Variants in TUBGCP6 observed in about 807,000 individuals in gnomAD.
TUBGCP6 encodes the protein tubulin gamma complex component 6.
A neutral mutation model predicts 175.8 loss-of-function variants in TUBGCP6; 161 were observed. That is an observed-to-expected ratio of 0.92 (90% CI 0.81 to 1.04). TUBGCP6 has a LOEUF of 1.04. Ranked by LOEUF, TUBGCP6 falls within the 50% of genes least tolerant of loss-of-function variation. The pLI, the probability that TUBGCP6 is intolerant of heterozygous loss-of-function variation, is 0.00. For synonymous variants in TUBGCP6, 1,173 were observed against 1,030.5 expected, an observed-to-expected ratio of 1.14 and a Z score of -2.65; for missense variants, 2,572 against 2,433.0, an observed-to-expected ratio of 1.06 and a Z score of -1.20.
chr22:50,244,066 A>AGT lies in TUBGCP6; in HGVS notation c.392_393dup (p.Tyr132ThrfsTer23), dbSNP rs749825000. 4.3e-6 allele frequency: 7 copies of AGT among 1,614,018 alleles called. No individual in the cohort carries two copies. In the South Asian group the frequency reaches 7.7e-5, roughly 18 times the overall value. ...CCCACATGCTTGTTGTTAAGGAAGT[A>AGT]GTCTCGTTTTCTCGGCAGAACTTGA... On this transcript the variant is annotated frameshift_variant, in exon 1 of 25. Transcript: ENST00000248846. LOFTEE classifies it high-confidence loss of function.
At chr22:50,230,126 A>G (rs2064669686) in intron 3 of TUBGCP6, among the ~76,000 whole-genome samples, 1 of 152,206 alleles carries the variant, frequency 6.6e-6, no homozygotes, top group Non-Finnish European at 1.5e-5. Flanking sequence ...ACAAAGGAAC[A>G]AGATACCAAA....
Position 50,220,957 on chromosome 22 carries a change from G to A in TUBGCP6, c.3402C>T (p.His1134=), listed in dbSNP as rs116961572. The part of the protein sequence containing the change: ...VAPTRPRWNT[H]GHVSNASIRV... ...TGATGCTGGCGTTGGACACGTGCCC[G>A]TGGGTATTCCACCGTGGCCTGGTGG... Residue 1134 remains histidine, a synonymous_variant, in exon 16 of 25, where the codon CAC becomes CAT. Transcript: ENST00000248846. 19 of 1,604,022 alleles carry A rather than the reference G, an allele frequency of 1.2e-5. No individual in the cohort carries two copies. Among genetic ancestry groups the A allele is most frequent in the Middle Eastern group, 1.7e-4 (1 of 6,026 alleles).
Position 50,221,596 on chromosome 22 carries a change from C to T in TUBGCP6, c.2763G>A (p.Ala921=), listed in dbSNP as rs758559999. 12 of 1,567,286 alleles carry T rather than the reference C, an allele frequency of 7.7e-6. No homozygotes were observed. The highest frequency in any genetic ancestry group is 4.8e-5 in the South Asian group (4 of 84,024). ...GCAGGTCCAAGTTAATGGTCTGCAG[C>T]GCCACCTCCAGGAGAGGGACCATGC... ...QTGMVPLLEV[A]LQTINLDLPP... The change falls in exon 16 of 25, where the codon GCG becomes GCA. Residue 921 remains alanine (A), a synonymous_variant. Coordinates refer to ENST00000248846, the MANE Select transcript of TUBGCP6 (RefSeq NM_020461.4).
At chr22:50,233,673 G>A (rs2064723337) in intron 2 of TUBGCP6, 147 bp from the exon 3 acceptor site, 2 of 784,614 alleles carry the variant, frequency 2.5e-6, no homozygotes, top group Non-Finnish European at 4.1e-6. Flanking sequence ...AGGTATGAAT[G>A]TCAGCTCACC....
chr22:50,219,866 A>G (rs1486399686), intron 17 of TUBGCP6, 75 bp from the exon 18 acceptor site: 2 of 1,603,344 alleles, frequency 1.2e-6, no homozygotes, highest in African/African-American at 2.7e-5. Context: ...CAAAAAAAGG[A>G]AAATCGCATG....
intron 1 of TUBGCP6, among the ~76,000 whole-genome samples, chr22:50,242,858 G>A (rs2064856846): frequency 6.6e-6 from 1 of 152,190 alleles, no homozygotes; most frequent in Non-Finnish European, 1.5e-5. Context: ...GTGGCTTAAC[G>A]ATATACCCCA....
In TUBGCP6 at chr22:50,226,772, A is replaced by G. The variant is rs758660762; in HGVS notation, c.1562T>C (p.Leu521Pro). ...GCAGCTGGTCTTCAGCAGGGACAGC[A>G]GTACAGGGTAGTGCTCGTTGCTGCA... ...HNCSNEHYPVLLSLLKTSCEP... is the reference protein window; with the variant it reads ...HNCSNEHYPVPLSLLKTSCEP... Residue 521 changes from leucine to proline, a missense_variant, in exon 7 of 25, where the codon CTG becomes CCG. Leu to Pro is a moderately conservative substitution (Grantham distance 98). Transcript: ENST00000248846. 1 of 1,594,150 alleles carries G rather than the reference A, an allele frequency of 6.3e-7. No homozygotes were observed. Among genetic ancestry groups the G allele is most frequent in the East Asian group, 2.3e-5 (1 of 44,232 alleles).
In TUBGCP6 at chr22:50,217,966, G is replaced by A. The variant is rs765277363; in HGVS notation, c.5320C>T (p.Gln1774Ter). 5 of 1,610,654 alleles carry A rather than the reference G, an allele frequency of 3.1e-6. No homozygotes were observed. The highest frequency in any genetic ancestry group is 8.5e-7 in the Non-Finnish European group (1 of 1,178,816). ...GAEHPNFALM[Q>*]QSYNTFKYYS... ...TACTTGAAGGTGTTGTAGGACTGCT[G>A]CATGAGTGCAAAGTTGGGGTGCTCT... The change falls in exon 24 of 25, where the codon CAG (glutamine) becomes TAG (stop). Residue 1774 changes from glutamine to a stop codon, truncating the protein, a stop_gained. Transcript: ENST00000248846. LOFTEE classifies it high-confidence loss of function.
chr22:50,228,055 G>C (rs1464930242), intron 4 of TUBGCP6, 27 bp from the exon 5 acceptor site: 1 of 1,514,882 alleles, frequency 6.6e-7, no homozygotes, highest in East Asian at 2.4e-5. Context: ...TGGGAGGAGG[G>C]CGGCCAGGCA....
rs371217966 is a variant in TUBGCP6, at chr22:50,217,720, C to T, written c.*16G>A. Reference sequence around the variant, plus strand: ...CCGAGAACACCTTTATTGTGCACGTCCCCCGCAGAGCAGCCTCAGGCGTCC... The same window carrying T: ...CCGAGAACACCTTTATTGTGCACGTTCCCCGCAGAGCAGCCTCAGGCGTCC... On this transcript the variant is annotated 3_prime_UTR_variant, in exon 25 of 25. Transcript: ENST00000248846. 1.9e-6 allele frequency: 3 copies of T among 1,612,014 alleles called. No homozygotes were observed. The highest frequency in any genetic ancestry group is 1.3e-5 in the African/African-American group (1 of 74,986).
Position 50,224,143 on chromosome 22 carries a change from C to T in TUBGCP6, c.2268G>A (p.Ala756=), listed in dbSNP as rs368982253. 31 of 1,612,814 alleles carry T rather than the reference C, an allele frequency of 1.9e-5. No homozygotes were observed. Among genetic ancestry groups the T allele is most frequent in the Non-Finnish European group, 2.2e-5 (26 of 1,179,974 alleles). Residue 756 remains alanine (A), a splice_region_variant and synonymous_variant, in exon 13 of 25, where the codon GCG becomes GCA. Coordinates refer to ENST00000248846, the MANE Select transcript of TUBGCP6 (RefSeq NM_020461.4). ...KSLEEELERK[A]RQALVDHYSK... ...GCCTGGAGCCCGGGCTGCCCTACCTCGCCTTCCTCTCCAGCTCCTCCTCCA... is the reference window on the plus strand; with the variant it reads ...GCCTGGAGCCCGGGCTGCCCTACCTTGCCTTCCTCTCCAGCTCCTCCTCCA...
At chr22:50,237,879 T>C (rs1051776669) in intron 2 of TUBGCP6, among the ~76,000 whole-genome samples, 6 of 152,074 alleles carry the variant, frequency 3.9e-5, no homozygotes, top group African/African-American at 7.2e-5. Context: ...TCCCAGCACT[T>C]TGGGAGGCCG....
chr22:50,241,489 G>C (rs561324734), intron 1 of TUBGCP6, among the ~76,000 whole-genome samples: 1 of 152,142 alleles, frequency 6.6e-6, no homozygotes. Context: ...AGGCCCACCC[G>C]CAGTTATCCA....
chr22:50,236,202 C>T (rs1296446117), intron 2 of TUBGCP6, among the ~76,000 whole-genome samples: 1 of 151,978 alleles, frequency 6.6e-6, no homozygotes, highest in African/African-American at 2.4e-5. Context: ...GTGGCACGAT[C>T]TTGGCCCATT....
Position 50,238,464 on chromosome 22 carries a change from C to CAA in TUBGCP6, c.905+1738_905+1739dup, listed in dbSNP as rs113224574. Among the ~76,000 whole-genome samples, 496 of 135,326 alleles carry CAA rather than the reference C, an allele frequency of 3.7e-3. 5 individuals carry two copies. The highest frequency in any genetic ancestry group is 0.012 in the African/African-American group (448 of 37,072). The allele number at this position is 135,326 out of a possible 152,430, so 88.8% of individuals were successfully genotyped here. On this transcript the variant is annotated intron_variant, in intron 2 of 24. Coordinates refer to ENST00000248846, the MANE Select transcript of TUBGCP6 (RefSeq NM_020461.4). ...CTCCGCCTCAATAAATAAATAAATA[C>CAA]AAAAAAAAAACAGAAAAAAATACTA... is the stretch of plus-strand genomic sequence containing the variant.
intron 13 of TUBGCP6, chr22:50,223,938 C>G: frequency 1.7e-6 from 1 of 589,206 alleles, no homozygotes; most frequent in Middle Eastern, 4.6e-4. Flanking sequence ...CAAACCACCA[C>G]AAGACAACGC....
In TUBGCP6 at chr22:50,222,399, T is replaced by C. The variant is rs1602512396; in HGVS notation, c.2409+55A>G. 1.9e-6 allele frequency: 3 copies of C among 1,605,124 alleles called. No individual in the cohort carries two copies. The African/African-American group carries it at 4.0e-5, about 21-fold the overall frequency. On this transcript the variant is annotated intron_variant, in intron 14 of 24. Coordinates refer to ENST00000248846, the MANE Select transcript of TUBGCP6 (RefSeq NM_020461.4). ...TAGGTTTGTGTGCAGTCTCAGGGGG[T>C]TTCCAGACCCCCAAAGCCCAGGGGA... is the stretch of plus-strand genomic sequence containing the variant.
Position 50,219,651 on chromosome 22 carries a change from C to T in TUBGCP6, c.4308G>A (p.Glu1436=). ...AGCAACTGCTGCACTCACACATGGA[C>T]TCGTAACTGTCCGGGTACCGCTCCA... ...YHLERYPDSY[E]SMSEPPIAHL... is the part of the protein sequence containing the mutation. The change falls in exon 18 of 25, where the codon GAG becomes GAA. Residue 1436 remains glutamate, a synonymous_variant. Transcript: ENST00000248846. The T allele has an allele frequency of 1.2e-6, 2 of 1,613,460 alleles. No individual in the cohort carries two copies. The highest frequency in any genetic ancestry group is 1.7e-6 in the Non-Finnish European group (2 of 1,179,808).
At position 50,218,121 on chromosome 22, in the gene TUBGCP6, G is replaced by A. The variant is rs748450888; in HGVS notation, c.5169-4C>T. 128 of 1,611,800 alleles carry A rather than the reference G, an allele frequency of 7.9e-5. No individual in the cohort carries two copies. Among genetic ancestry groups the A allele is most frequent in the Non-Finnish European group, 1.0e-4 (123 of 1,179,476 alleles). On this transcript the variant is annotated splice_region_variant and splice_polypyrimidine_tract_variant and intron_variant, in intron 23 of 24. Coordinates refer to ENST00000248846, the MANE Select transcript of TUBGCP6 (RefSeq NM_020461.4). ...CGCCTTCTCCGTGAGCAGGCCCCTG[G>A]GGGGAAGCAGTGCTGCTGGGTGGGC... is the stretch of plus-strand genomic sequence containing the variant.
Sources: gnomAD v4.1 joint callset for allele counts (sites outside exome capture counted in the v4.1 genomes callset) on GRCh38, gnomAD v4.1.1 for gene constraint, MANE v1.5 for transcripts, NCBI Gene and HGNC (gene_info 2026-07-23, HGNC 2026-07-21) for gene names.